The following DZIP1L variants were observed in gnomAD, a reference collection of about 807,000 sequenced individuals.
DZIP1L encodes DAZ interacting zinc finger protein 1 like.
DZIP1L carries 90 observed loss-of-function variants against 88.7 expected under a neutral mutation model. That is an observed-to-expected ratio of 1.02 (90% CI 0.86 to 1.21). The LOEUF (loss-of-function observed/expected upper bound fraction) is 1.21. Among genes scored for constraint, DZIP1L ranks in the 50% most tolerant of loss-of-function variants. The pLI is 0.00. For missense variants in DZIP1L, 932 were observed against 955.8 expected (o/e 0.98, Z 0.33); for synonymous variants, 363 against 372.1 (o/e 0.98, Z 0.28).
In DZIP1L at chr3:138,103,492, T is replaced by C; in HGVS notation, c.480A>G (p.Thr160=). The change falls in exon 2 of 16, where the codon ACA becomes ACG. Residue 160 remains threonine, a synonymous_variant. Coordinates refer to ENST00000327532, the MANE Select transcript of DZIP1L (RefSeq NM_173543.3). ...ISTLQQLLMQ[T]GTHSYHTCHL... is the part of the protein sequence containing the mutation. ...TCACCGTGTGGTAGCTGTGGGTGCC[T>C]GTCTGCATTAGCAGCTGCTGCAGGG... 1.2e-6 allele frequency: 2 copies of C among 1,604,280 alleles called. No individual in the cohort carries two copies. Among genetic ancestry groups the C allele is most frequent in the Non-Finnish European group, 8.5e-7 (1 of 1,173,754 alleles).
intron 1 of DZIP1L, chr3:138,108,314 C>G (rs1221535058): frequency 1.3e-6 from 1 of 751,780 alleles, no homozygotes; most frequent in Non-Finnish European, 1.6e-6. Flanking sequence ...AATAAGACAC[C>G]TGCTTCCTGA....
rs1249389168 is a variant in DZIP1L at position 138,063,200 on chromosome 3, A to G, written c.2143-223T>C. Among the ~76,000 whole-genome samples, 1 of 152,172 alleles carries G rather than the reference A, an allele frequency of 6.6e-6. No homozygotes were observed. The highest frequency in any genetic ancestry group is 1.5e-5 in the Non-Finnish European group (1 of 68,024). ...TCAGGGTGATTTCAAATACCCCTGA[A>G]ATTCTACTAACCAAACCCAGGCAAG... On this transcript the variant is annotated intron_variant, in intron 15 of 15. Coordinates refer to ENST00000327532, the MANE Select transcript of DZIP1L (RefSeq NM_173543.3). The surrounding 1 kb of genome is among the most constrained non-coding windows in gnomAD (Gnocchi z 4.1).
At chr3:138,089,149 T>C in intron 5 of DZIP1L, 1 of 985,476 alleles carries the variant, frequency 1.0e-6, no homozygotes, top group Non-Finnish European at 1.2e-6. Context: ...TCATAAGCCC[T>C]ATTAAGGCTT....
At chr3:138,064,493 G>A in intron 15 of DZIP1L, 135 bp downstream of exon 15, 1 of 1,611,782 alleles carries the variant, frequency 6.2e-7, no homozygotes. Flanking sequence ...GGCAGAGGGA[G>A]GTCACCCACA....
intron 2 of DZIP1L, chr3:138,102,232 C>T: frequency 1.4e-6 from 2 of 1,418,378 alleles, no homozygotes; most frequent in Non-Finnish European, 2.0e-6. Context: ...ATCTCCTCTT[C>T]ATACAGCTGC....
intron 4 of DZIP1L, among the ~76,000 whole-genome samples, chr3:138,092,969 C>T (rs1488575181): frequency 6.6e-6 from 1 of 152,186 alleles, no homozygotes; most frequent in Non-Finnish European, 1.5e-5. Flanking sequence ...ATCCAAACTC[C>T]TGTTAATGTT....
chr3:138,091,465 A>G (rs536159202), intron 5 of DZIP1L, among the ~76,000 whole-genome samples: 1 of 151,844 alleles, frequency 6.6e-6, no homozygotes, highest in South Asian at 2.1e-4. Context: ...GAAAAATACA[A>G]AAATTAGCCA....
intron 12 of DZIP1L, among the ~76,000 whole-genome samples, chr3:138,068,770 G>A (rs138720811): frequency 6.6e-6 from 1 of 152,244 alleles, no homozygotes; most frequent in African/African-American, 2.4e-5. Context: ...ACCAGAGGTC[G>A]CCGCAGGACT....
At position 138,103,627 on chromosome 3, in the gene DZIP1L, C is replaced by T. The variant is rs771046905; in HGVS notation, c.345G>A (p.Leu115=). The T allele has an allele frequency of 1.9e-6, 3 of 1,606,608 alleles. No individual in the cohort carries two copies. In the South Asian group the frequency reaches 3.3e-5, roughly 18 times the overall value. Residue 115 remains leucine (L), a synonymous_variant, in exon 2 of 16, where the codon CTG becomes CTA. Transcript: ENST00000327532. ...GCTGCTGCTGGCCCAGGCTGGTCTG[C>T]AGCCGTGCCTCCAGCTGGGCAACAC... ...SASVAQLEAR[L]QTSLGQQQRG...
chr3:138,070,811 A>T (rs1576438673), intron 12 of DZIP1L, among the ~76,000 whole-genome samples: 1 of 152,258 alleles, frequency 6.6e-6, no homozygotes, highest in Non-Finnish European at 1.5e-5. Context: ...AAGTAAAAGG[A>T]GCAGGACAGC....
At position 138,062,801 on chromosome 3, in the gene DZIP1L, A is replaced by G; in HGVS notation, c.*15T>C. ...AGCCAGGCTAACCCTCTAGCCAGCT[A>G]GCTTCTGGGGTGAATCACCAGGCAG... is the stretch of plus-strand genomic sequence containing the variant. On this transcript the variant is annotated 3_prime_UTR_variant, in exon 16 of 16. Coordinates refer to ENST00000327532, the MANE Select transcript of DZIP1L (RefSeq NM_173543.3). 6.2e-7 allele frequency: 1 copy of G among 1,613,418 alleles called. No homozygotes were observed. Among genetic ancestry groups the G allele is most frequent in the Non-Finnish European group, 8.5e-7 (1 of 1,179,892 alleles).
chr3:138,091,284 C>G (rs975108491), intron 5 of DZIP1L, among the ~76,000 whole-genome samples: 1 of 151,862 alleles, frequency 6.6e-6, no homozygotes, highest in Admixed American at 6.6e-5. Context: ...GCTAAGTGAC[C>G]TTGGGCAAGT....
In DZIP1L at chr3:138,089,581, A is replaced by G. The variant is rs536608346; in HGVS notation, c.871-1074T>C. 2.2e-4 allele frequency among the ~76,000 whole-genome samples: 34 copies of G among 152,310 alleles called. No homozygotes were observed. The South Asian group carries it at 6.4e-3, about 29-fold the overall frequency. Reference sequence around the variant, plus strand: ...TATAGTTTTCATTGGCCTTCCTAACATCAGGAAGAATCATTTTTTGCATTT... The same window carrying G: ...TATAGTTTTCATTGGCCTTCCTAACGTCAGGAAGAATCATTTTTTGCATTT... On this transcript the variant is annotated intron_variant, in intron 5 of 15. Coordinates refer to ENST00000327532, the MANE Select transcript of DZIP1L (RefSeq NM_173543.3).
chr3:138,091,569 C>G (rs1944226466), intron 5 of DZIP1L, among the ~76,000 whole-genome samples: 1 of 147,194 alleles, frequency 6.8e-6, no homozygotes, highest in African/African-American at 2.5e-5. Flanking sequence ...GGTGAGCCGA[C>G]ACCACGCCAC....
chr3:138,071,167 C>A (rs1943158665), intron 12 of DZIP1L, among the ~76,000 whole-genome samples: 1 of 152,256 alleles, frequency 6.6e-6, no homozygotes, highest in Admixed American at 6.5e-5. Flanking sequence ...TATCTGAGCT[C>A]TGCAGAAGTT....
At chr3:138,106,447 GACTTTAAAAAGTGCAATAGAAAGTGC>G (rs1253554396) in intron 1 of DZIP1L, among the ~76,000 whole-genome samples, 10 of 151,582 alleles carry the variant, frequency 6.6e-5, no homozygotes, top group African/African-American at 1.9e-4. Context: ...CCATGATTCA[GACTTTAAAAAGTGCAATAGAAAGTGC>G]ACTTTAAAAA....
intron 2 of DZIP1L, among the ~76,000 whole-genome samples, chr3:138,098,774 A>T (rs1431836302): frequency 6.6e-6 from 1 of 152,200 alleles, no homozygotes; most frequent in Non-Finnish European, 1.5e-5. Flanking sequence ...CATAAACATC[A>T]TATCAATTAT....
intron 7 of DZIP1L, among the ~76,000 whole-genome samples, chr3:138,086,113 G>C (rs1419802383): frequency 4.0e-5 from 6 of 151,772 alleles, no homozygotes; most frequent in Admixed American, 2.0e-4. Flanking sequence ...GTTGTGGGGT[G>C]GGGGGAGTGG....
At chr3:138,113,087 T>C in intron 1 of DZIP1L, among the ~76,000 whole-genome samples, 1 of 152,224 alleles carries the variant, frequency 6.6e-6, no homozygotes, top group Non-Finnish European at 1.5e-5. Flanking sequence ...AAAAGAATAT[T>C]TGTGCTAACA....
Sources: allele counts gnomAD v4.1 joint callset (sites outside exome capture counted in the v4.1 genomes callset), GRCh38; gene constraint gnomAD v4.1.1; non-coding constraint Gnocchi (gnomAD v3.1); transcripts MANE v1.5; gene names NCBI Gene and HGNC (gene_info 2026-07-23, HGNC 2026-07-21).